NR2C2: variants seen among roughly 807,000 people sequenced by gnomAD.
NR2C2 encodes Nuclear hormone receptor TR4.
NR2C2 carries 6 observed loss-of-function variants against 62.9 expected under a neutral mutation model. The ratio of observed to expected loss-of-function variants is 0.10; its 90% CI spans 0.05 to 0.19. The LOEUF (loss-of-function observed/expected upper bound fraction) is 0.19. Among genes scored for constraint, NR2C2 ranks in the 10% least tolerant of loss-of-function variants. The pLI is 1.00. For synonymous variants in NR2C2, 272 were observed against 273.8 expected (o/e 0.99, Z 0.07); for missense variants, 479 against 762.7 (o/e 0.63, Z 4.38).
chr3:14,974,638 G>A (rs1322407397), intron 1 of NR2C2, among the ~76,000 whole-genome samples: 2 of 145,342 alleles, frequency 1.4e-5, no homozygotes, highest in African/African-American at 5.1e-5. Context: ...TGGTCTCACT[G>A]TTTCACCCAG....
At chr3:14,978,339 A>G (rs2040266664) in intron 1 of NR2C2, among the ~76,000 whole-genome samples, 1 of 152,218 alleles carries the variant, frequency 6.6e-6, no homozygotes, top group African/African-American at 2.4e-5. Context: ...ATTAGCCTAC[A>G]GTTGGGCAAA....
chr3:15,030,509 C>T (rs1348461369), intron 9 of NR2C2, 57 bp downstream of exon 9: 2 of 1,473,194 alleles, frequency 1.4e-6, no homozygotes, highest in Admixed American at 2.6e-5. Context: ...AGGTTCTGTA[C>T]CAAAGCCGAT....
chr3:15,012,830 G>T (rs747502427), intron 2 of NR2C2, among the ~76,000 whole-genome samples: 1 of 152,184 alleles, frequency 6.6e-6, no homozygotes, highest in African/African-American at 2.4e-5. Context: ...TGTTGTGACT[G>T]ATGCAATTAG....
chr3:15,032,600 T>A, intron 10 of NR2C2, 100 bp downstream of exon 10: 1 of 1,413,708 alleles, frequency 7.1e-7, no homozygotes. Context: ...TTTGACTGTT[T>A]CTATGACCTC....
chr3:15,010,364 A>C (rs1434546961), intron 2 of NR2C2, among the ~76,000 whole-genome samples: 5 of 151,986 alleles, frequency 3.3e-5, no homozygotes, highest in African/African-American at 1.2e-4. Flanking sequence ...AAAAAAAAAA[A>C]ACCCAAAATT....
chr3:15,035,790 G>A (rs1232725449), intron 11 of NR2C2, among the ~76,000 whole-genome samples: 6 of 152,272 alleles, frequency 3.9e-5, no homozygotes, highest in African/African-American at 1.4e-4. Context: ...ACTTTGGGAG[G>A]CCAAGGCGGG....
chr3:15,024,817 C>G (rs980924697), intron 7 of NR2C2, among the ~76,000 whole-genome samples: 1 of 152,218 alleles, frequency 6.6e-6, no homozygotes, highest in African/African-American at 2.4e-5. Flanking sequence ...GTAGTAGCAG[C>G]AAGCCACAAC....
intron 1 of NR2C2, among the ~76,000 whole-genome samples, chr3:14,951,958 G>A (rs1441029878): frequency 6.6e-6 from 1 of 152,188 alleles, no homozygotes; most frequent in Non-Finnish European, 1.5e-5. Context: ...ATGTTAGCCA[G>A]GATGGTCTCA....
At chr3:14,974,477 G>C (rs1476721248) in intron 1 of NR2C2, among the ~76,000 whole-genome samples, 1 of 152,116 alleles carries the variant, frequency 6.6e-6, no homozygotes, top group African/African-American at 2.4e-5. Flanking sequence ...GCTTTGGATA[G>C]TGTTGACTTC....
intron 1 of NR2C2, among the ~76,000 whole-genome samples, chr3:14,983,443 A>G (rs1023610564): frequency 1.4e-5 from 2 of 147,014 alleles, no homozygotes; most frequent in African/African-American, 5.2e-5. Context: ...TGATAGGTTA[A>G]TCTGGATTAT....
At chr3:15,006,461 A>G (rs996697457) in intron 2 of NR2C2, among the ~76,000 whole-genome samples, 1 of 152,124 alleles carries the variant, frequency 6.6e-6, no homozygotes, top group Non-Finnish European at 1.5e-5. Context: ...ACTATAGGAA[A>G]TTGTGTATAT....
In NR2C2 at chr3:14,947,872, C is replaced by T. The variant is rs1392194483; in HGVS notation, c.-74C>T. ...GGGGCCGCCCGCCGCAGACACGGGA[C>T]CCGCTTCGAGGCCGCTTTGGCGCCA... On this transcript the variant is annotated 5_prime_UTR_variant, in exon 1 of 14. Coordinates refer to ENST00000425241, the MANE Select transcript of NR2C2 (RefSeq NM_001291694.2). 1 of 150,340 alleles carries T rather than the reference C, an allele frequency of 6.7e-6. No individual in the cohort carries two copies. The highest frequency in any genetic ancestry group is 2.4e-5 in the African/African-American group (1 of 41,132). 9.3% of individuals were successfully genotyped at this position (150,340 alleles called of 1,614,324 possible).
At chr3:15,010,838 A>G (rs2124972593) in intron 2 of NR2C2, among the ~76,000 whole-genome samples, 1 of 152,294 alleles carries the variant, frequency 6.6e-6, no homozygotes, top group Middle Eastern at 3.4e-3. Context: ...GCCATACCTC[A>G]ACCACAATGA....
intron 4 of NR2C2, among the ~76,000 whole-genome samples, chr3:15,020,009 C>A (rs2041625636): frequency 6.6e-6 from 1 of 152,068 alleles, no homozygotes; most frequent in African/African-American, 2.4e-5. Context: ...TCAAATTATG[C>A]CTCATAAATA....
At chr3:14,953,944 A>G (rs1205113130) in intron 1 of NR2C2, among the ~76,000 whole-genome samples, 1 of 151,808 alleles carries the variant, frequency 6.6e-6, no homozygotes, top group East Asian at 1.9e-4. Context: ...GAGAAGTTAC[A>G]CAATACTAGC....
In NR2C2 at chr3:15,034,695, C is replaced by A; in HGVS notation, c.1258C>A (p.Arg420=). The change falls in exon 11 of 14, where the codon CGG becomes AGG. Residue 420 remains arginine (R), a synonymous_variant. Coordinates refer to ENST00000425241, the MANE Select transcript of NR2C2 (RefSeq NM_001291694.2). The part of the protein sequence containing the change: ...LGQDCNTSLV[R]ACWNELFTLG... ...GCAGGACTGCAACACCAGCCTTGTGCGGGCCTGCTGGAATGAGCTCTTCAC... is the reference window on the plus strand; with the variant it reads ...GCAGGACTGCAACACCAGCCTTGTGAGGGCCTGCTGGAATGAGCTCTTCAC... The A allele has an allele frequency of 6.2e-7, 1 of 1,614,060 alleles. No individual in the cohort carries two copies. Among genetic ancestry groups the A allele is most frequent in the Non-Finnish European group, 8.5e-7 (1 of 1,179,978 alleles).
chr3:15,027,476 G>A (rs76819367), intron 7 of NR2C2, among the ~76,000 whole-genome samples: 1,659 of 152,348 alleles, frequency 0.011, 14 homozygotes, highest in Non-Finnish European at 0.013. Context: ...CCCAGTGGAT[G>A]TGAAGTGGTA....
chr3:14,992,721 A>C (rs1381829283), intron 1 of NR2C2, among the ~76,000 whole-genome samples: 1 of 152,220 alleles, frequency 6.6e-6, no homozygotes, highest in African/African-American at 2.4e-5. Flanking sequence ...GTGTTCTGCA[A>C]GCGTGGTTAC....
At chr3:14,948,308 A>G (rs1025587368) in intron 1 of NR2C2, 2 of 150,942 alleles carry the variant, frequency 1.3e-5, no homozygotes, top group African/African-American at 2.4e-5. Flanking sequence ...CGGGATTTTC[A>G]CCCCTCCGCT....
Sources: gnomAD v4.1 joint callset for allele counts (sites outside exome capture counted in the v4.1 genomes callset) on GRCh38, gnomAD v4.1.1 for gene constraint, MANE v1.5 for transcripts, NCBI Gene and HGNC (gene_info 2026-07-23, HGNC 2026-07-21) for gene names.